Variants in UNC5C observed in about 807,000 individuals in gnomAD.
UNC5C encodes the protein unc-5 netrin receptor C, also known as netrin receptor UNC5C.
In UNC5C, 47 loss-of-function variants were observed where a neutral mutation model predicts 99.8. The observed-to-expected ratio is 0.47, with a 90% CI of 0.37 to 0.60. The LOEUF (loss-of-function observed/expected upper bound fraction) is 0.60. Ranked by LOEUF, UNC5C falls within the 20% of genes least tolerant of loss-of-function variation. UNC5C has a pLI of 0.00. For synonymous variants in UNC5C, 487 were observed against 452.2 expected (o/e 1.08, Z -0.98); for missense variants, 1,062 against 1,165.9 (o/e 0.91, Z 1.30).
intron 1 of UNC5C, among the ~76,000 whole-genome samples, chr4:95,520,723 C>A (rs749940742): frequency 1.3e-5 from 2 of 151,594 alleles, no homozygotes; most frequent in Non-Finnish European, 2.9e-5. Flanking sequence ...CTCAGCCTCC[C>A]GAGTAGCTGG....
At chr4:95,404,586 A>T (rs1745785063) in intron 1 of UNC5C, among the ~76,000 whole-genome samples, 1 of 152,146 alleles carries the variant, frequency 6.6e-6, no homozygotes, top group Admixed American at 6.5e-5. Flanking sequence ...GAGTGTTGGC[A>T]GGGAGAATTC....
rs184169562 is a variant in UNC5C, at chr4:95,475,846, A to G, written c.124+72888T>C. ...ACTATTACCAAATCATTCATTACCTAAATACACAAGCTGTCTAATGATAAT... is the reference window on the plus strand; with the variant it reads ...ACTATTACCAAATCATTCATTACCTGAATACACAAGCTGTCTAATGATAAT... On this transcript the variant is annotated intron_variant, in intron 1 of 15. Transcript: ENST00000453304. Among the ~76,000 whole-genome samples the G allele has an allele frequency of 1.9e-3, 285 of 152,204 alleles. 1 individual carries two copies. The highest frequency in any genetic ancestry group is 3.2e-3 in the Non-Finnish European group (219 of 67,988).
At chr4:95,273,949 C>T (rs1254256437) in intron 4 of UNC5C, among the ~76,000 whole-genome samples, 1 of 152,130 alleles carries the variant, frequency 6.6e-6, no homozygotes, top group Non-Finnish European at 1.5e-5. Flanking sequence ...CTTTCCATCT[C>T]CTGAGGTGCT....
In UNC5C at chr4:95,424,128, G is replaced by A. The variant is rs550357630; in HGVS notation, c.125-88497C>T. Among the ~76,000 whole-genome samples the A allele has an allele frequency of 7.9e-5, 12 of 152,190 alleles. No homozygotes were observed. In the South Asian group the frequency reaches 2.5e-3, roughly 32 times the overall value. ...ATAAAGGGTTCTATTTTTTCTCACT[G>A]ATTCATGGAATTTTTAGTAAATCAT... On this transcript the variant is annotated intron_variant, in intron 1 of 15. Transcript: ENST00000453304.
At chr4:95,309,666 G>A (rs750415027) in intron 2 of UNC5C, among the ~76,000 whole-genome samples, 30 of 152,162 alleles carry the variant, frequency 2.0e-4, no homozygotes, top group Middle Eastern at 3.4e-3. Context: ...ATGGCCAAGG[G>A]TATATTAAAA....
intron 1 of UNC5C, among the ~76,000 whole-genome samples, chr4:95,427,700 CT>C (rs1746523347): frequency 6.6e-6 from 1 of 152,076 alleles, no homozygotes; most frequent in Non-Finnish European, 1.5e-5. Flanking sequence ...GTAAACATTA[CT>C]TTTATATGCA....
At chr4:95,438,369 TG>T (rs1746849054) in intron 1 of UNC5C, among the ~76,000 whole-genome samples, 1 of 152,126 alleles carries the variant, frequency 6.6e-6, no homozygotes, top group African/African-American at 2.4e-5. Flanking sequence ...CTGGTGGCTC[TG>T]GAGCCAAGAT....
intron 2 of UNC5C, among the ~76,000 whole-genome samples, chr4:95,316,987 G>A (rs1447560321): frequency 1.6e-5 from 2 of 124,960 alleles, no homozygotes; most frequent in African/African-American, 3.1e-5. Context: ...GAAAAAAAAA[G>A]AACACATATG....
chr4:95,546,747 CCTT>C (rs1172105743), intron 1 of UNC5C, among the ~76,000 whole-genome samples: 1 of 152,078 alleles, frequency 6.6e-6, no homozygotes, highest in Non-Finnish European at 1.5e-5. Context: ...ATCTCTTCTC[CCTT>C]CTTCTTTCAA....
At chr4:95,248,994 T>G (rs1739598318) in intron 5 of UNC5C, among the ~76,000 whole-genome samples, 1 of 151,102 alleles carries the variant, frequency 6.6e-6, no homozygotes, top group East Asian at 1.9e-4. Context: ...CCTATACAGG[T>G]TTATCTTTTT....
chr4:95,194,887 C>T (rs2149356954), intron 12 of UNC5C, among the ~76,000 whole-genome samples: 1 of 152,152 alleles, frequency 6.6e-6, no homozygotes, highest in East Asian at 1.9e-4. Flanking sequence ...AAAGTAAGTT[C>T]AACATGGCAA....
chr4:95,400,155 C>A (rs531290832), intron 1 of UNC5C, among the ~76,000 whole-genome samples: 7 of 152,098 alleles, frequency 4.6e-5, no homozygotes, highest in Non-Finnish European at 8.8e-5. Flanking sequence ...CCTCTCTTTG[C>A]GTGCAGAAGG....
chr4:95,503,962 A>G (rs948214485), intron 1 of UNC5C, among the ~76,000 whole-genome samples: 9 of 152,260 alleles, frequency 5.9e-5, no homozygotes, highest in African/African-American at 2.2e-4. Flanking sequence ...GTCCCTAATT[A>G]TCAGTTCACA....
At chr4:95,228,757 C>T (rs1165312491) in intron 7 of UNC5C, among the ~76,000 whole-genome samples, 2 of 152,134 alleles carry the variant, frequency 1.3e-5, no homozygotes, top group Non-Finnish European at 2.9e-5. Flanking sequence ...ATGAGATAAC[C>T]CTGCTGATTT....
intron 1 of UNC5C, among the ~76,000 whole-genome samples, chr4:95,348,676 C>A (rs1321103882): frequency 6.7e-6 from 1 of 149,994 alleles, no homozygotes; most frequent in African/African-American, 2.4e-5. Flanking sequence ...TTGTAAACTA[C>A]CTGCAAGCAG....
intron 4 of UNC5C, among the ~76,000 whole-genome samples, chr4:95,262,100 G>A (rs1740260162): frequency 6.6e-6 from 1 of 152,158 alleles, no homozygotes; most frequent in South Asian, 2.1e-4. Flanking sequence ...TATATTACAT[G>A]AGAGTGTAAA....
chr4:95,548,930 C>G lies in UNC5C; in HGVS notation c.-73G>C. 1.3e-6 allele frequency: 2 copies of G among 1,570,928 alleles called. No individual in the cohort carries two copies. The highest frequency in any genetic ancestry group is 1.7e-6 in the Non-Finnish European group (2 of 1,151,392). On this transcript the variant is annotated 5_prime_UTR_variant, in exon 1 of 16. Transcript: ENST00000453304. ...GCAAACAGCTGAAAGCCCCACTGGG[C>G]AGAAGCTGAATCCGTGCACCGCGAA...
intron 1 of UNC5C, among the ~76,000 whole-genome samples, chr4:95,423,283 T>G (rs1746371674): frequency 6.6e-6 from 1 of 152,216 alleles, no homozygotes; most frequent in African/African-American, 2.4e-5. Context: ...ACAACAGTGC[T>G]TTGGCCATGC....
At chr4:95,238,913 C>G (rs996593460) in intron 7 of UNC5C, among the ~76,000 whole-genome samples, 2 of 152,086 alleles carry the variant, frequency 1.3e-5, no homozygotes, top group African/African-American at 2.4e-5. Flanking sequence ...CCAAATCTGT[C>G]TTTTTAACAA....
Sources: gnomAD v4.1 joint callset for allele counts (sites outside exome capture counted in the v4.1 genomes callset) on GRCh38, gnomAD v4.1.1 for gene constraint, MANE v1.5 for transcripts, NCBI Gene and HGNC (gene_info 2026-07-23, HGNC 2026-07-21) for gene names.